The following NAA25 variants were observed in gnomAD, a reference collection of about 807,000 sequenced individuals.
NAA25 encodes the protein N-alpha-acetyltransferase 25, NatB auxiliary subunit.
In NAA25, 30 loss-of-function variants were observed where a neutral mutation model predicts 132.5. The ratio of observed to expected loss-of-function variants is 0.23; its 90% CI spans 0.17 to 0.31. NAA25 has a LOEUF of 0.31. Among genes scored for constraint, NAA25 ranks in the 10% least tolerant of loss-of-function variants. The pLI, the probability that NAA25 is intolerant of heterozygous loss-of-function variation, is 1.00. For synonymous variants in NAA25, 359 were observed against 401.9 expected, an observed-to-expected ratio of 0.89 and a Z score of 1.28; for missense variants, 771 against 1,150.4, an observed-to-expected ratio of 0.67 and a Z score of 4.77.
At chr12:112,097,560 T>C (rs999679387) in intron 1 of NAA25, 1 of 149,118 alleles carries the variant, frequency 6.7e-6, no homozygotes, top group Non-Finnish European at 1.5e-5. Context: ...TAAGCCAAGA[T>C]TGCGCCACTG....
At chr12:112,031,255 T>G (rs1750981031) in intron 23 of NAA25, among the ~76,000 whole-genome samples, 1 of 152,166 alleles carries the variant, frequency 6.6e-6, no homozygotes, top group Non-Finnish European at 1.5e-5. Flanking sequence ...TTCACAGTGT[T>G]TCAAATTTAG....
intron 13 of NAA25, among the ~76,000 whole-genome samples, chr12:112,059,620 G>A (rs990668124): frequency 3.3e-5 from 5 of 151,974 alleles, no homozygotes; most frequent in Admixed American, 3.3e-4. Flanking sequence ...TTTTTGAAGT[G>A]AATAAAAGAT....
intron 4 of NAA25, among the ~76,000 whole-genome samples, chr12:112,083,506 G>A (rs564826233): frequency 5.6e-4 from 84 of 151,186 alleles, no homozygotes; most frequent in African/African-American, 1.9e-3. Context: ...CAGCCTGGGC[G>A]ACAAGAGTGA....
At position 112,099,202 on chromosome 12, in the gene NAA25, A is replaced by G. The variant is rs184675591; in HGVS notation, c.59-6066T>C. ...ACGGGGTTTCACCATGTTGGCCAGG[A>G]TGGTCTCAATCTCTTGACCTCGTGA... is the stretch of plus-strand genomic sequence containing the variant. On this transcript the variant is annotated intron_variant, in intron 1 of 23. Transcript: ENST00000261745. Among the ~76,000 whole-genome samples, 314 of 151,544 alleles carry G rather than the reference A, an allele frequency of 2.1e-3. 1 individual carries two copies. Among genetic ancestry groups the G allele is most frequent in the Middle Eastern group, 0.01 (3 of 292 alleles).
intron 22 of NAA25, among the ~76,000 whole-genome samples, chr12:112,035,774 C>T (rs1237333790): frequency 6.6e-6 from 1 of 151,424 alleles, no homozygotes; most frequent in African/African-American, 2.4e-5. Context: ...ATTTCCCAGG[C>T]TCTGGTGATC....
intron 23 of NAA25, among the ~76,000 whole-genome samples, chr12:112,030,858 T>TTTA (rs1206926555): frequency 6.6e-6 from 1 of 152,234 alleles, no homozygotes; most frequent in African/African-American, 2.4e-5. Flanking sequence ...CAGTGGTGCA[T>TTTA]TTATATTCTG....
At chr12:112,039,426 T>G in intron 21 of NAA25, 87 bp from the exon 22 acceptor site, 1 of 772,852 alleles carries the variant, frequency 1.3e-6, no homozygotes, top group Non-Finnish European at 2.2e-6. Context: ...CAACAAATTC[T>G]AACGCAGTTC....
chr12:112,054,327 G>T, intron 14 of NAA25, 61 bp downstream of exon 14: 1 of 1,412,832 alleles, frequency 7.1e-7, no homozygotes, highest in Non-Finnish European at 9.7e-7. Flanking sequence ...CTAAGTTAGA[G>T]TCCTGTGTAC....
At chr12:112,107,813 G>T (rs1006649407) in intron 1 of NAA25, among the ~76,000 whole-genome samples, 9 of 152,062 alleles carry the variant, frequency 5.9e-5, no homozygotes, top group African/African-American at 2.2e-4. Flanking sequence ...GAAAGGAAAT[G>T]CAAAAAGGAC....
At position 112,075,674 on chromosome 12, in the gene NAA25, T is replaced by G. The variant is rs535797266; in HGVS notation, c.776+4A>C. ...AAATGGTACAAAAGAAAGCTTTTAC[T>G]CACTTTTTTAGTAAGAGGCGCCGGG... On this transcript the variant is annotated splice_donor_region_variant and intron_variant, in intron 8 of 23. Transcript: ENST00000261745. The G allele has an allele frequency of 8.7e-6, 14 of 1,611,730 alleles. No individual in the cohort carries two copies. Among genetic ancestry groups the G allele is most frequent in the Non-Finnish European group, 1.2e-5 (14 of 1,178,046 alleles).
At chr12:112,069,131 C>A in intron 10 of NAA25, 139 bp from the exon 11 acceptor site, 1 of 607,206 alleles carries the variant, frequency 1.6e-6, no homozygotes, top group Non-Finnish European at 2.9e-6. Flanking sequence ...CGGGTTATCT[C>A]AACTACTTGT....
At chr12:112,061,065 C>T in intron 12 of NAA25, 116 bp downstream of exon 12, 1 of 766,766 alleles carries the variant, frequency 1.3e-6, no homozygotes, top group Non-Finnish European at 2.1e-6. Flanking sequence ...TCTTCCCAGA[C>T]AAAATAGTCT....
chr12:112,081,025 C>T (rs1341702965), intron 5 of NAA25, 35 bp downstream of exon 5: 1 of 1,550,744 alleles, frequency 6.4e-7, no homozygotes, highest in South Asian at 1.1e-5. Flanking sequence ...AAAAATAAAA[C>T]CAAACCTCAA....
intron 11 of NAA25, among the ~76,000 whole-genome samples, chr12:112,066,268 A>C (rs941403724): frequency 6.6e-6 from 1 of 152,242 alleles, no homozygotes; most frequent in Non-Finnish European, 1.5e-5. Context: ...TTCAACTAGC[A>C]AGACAATAAG....
Position 112,043,686 on chromosome 12 carries a change from A to G in NAA25, c.2189T>C (p.Leu730Pro), listed in dbSNP as rs1275642225. 2 of 1,614,176 alleles carry G rather than the reference A, an allele frequency of 1.2e-6. No homozygotes were observed. Among genetic ancestry groups the G allele is most frequent in the African/African-American group, 1.3e-5 (1 of 75,048 alleles). Residue 730 changes from leucine (L) to proline (P), a missense_variant, in exon 18 of 24, where the codon CTC becomes CCC. Physicochemically the swap from Leu to Pro is moderately conservative, Grantham distance 98 (BLOSUM62 -3). Around this residue, in one of 3 missense-constraint regions of NAA25, gnomAD observed 324 missense variants for 400.0 expected, o/e 0.81. Coordinates refer to ENST00000261745, the MANE Select transcript of NAA25 (RefSeq NM_024953.4). Reference protein sequence around the residue: ...VSSRIDILRLLLQQLEATLET... With the variant: ...VSSRIDILRLPLQQLEATLET... ...CAGGGTTGCCTCCAGCTGTTGAAGGAGCAAACGAAGAATATCAATCCGGGA... is the reference window on the plus strand; with the variant it reads ...CAGGGTTGCCTCCAGCTGTTGAAGGGGCAAACGAAGAATATCAATCCGGGA...
intron 4 of NAA25, among the ~76,000 whole-genome samples, chr12:112,086,485 A>G (rs2079058948): frequency 6.6e-6 from 1 of 151,830 alleles, no homozygotes; most frequent in African/African-American, 2.4e-5. Context: ...ACAGAGCAAG[A>G]CTCCATCACA....
chr12:112,061,351 G>A lies in NAA25; in HGVS notation c.1187C>T (p.Thr396Ile). The change falls in exon 12 of 24, where the codon ACA becomes ATA. Residue 396 changes from threonine (T) to isoleucine (I), a missense_variant. Around this residue, in one of 3 missense-constraint regions of NAA25, gnomAD observed 417 missense variants for 733.8 expected, o/e 0.57. Coordinates refer to ENST00000261745, the MANE Select transcript of NAA25 (RefSeq NM_024953.4). ...NQLLGVVPLS[T>I]PTEDKLALPA... ...CAGTGCCAGCTTATCCTCTGTTGGT[G>A]TCGACAAAGGAACAACTCCAAGTAA... is the stretch of plus-strand genomic sequence containing the variant. The A allele has an allele frequency of 6.2e-7, 1 of 1,614,080 alleles. No individual in the cohort carries two copies. The highest frequency in any genetic ancestry group is 8.5e-7 in the Non-Finnish European group (1 of 1,179,980).
intron 9 of NAA25, 34 bp downstream of exon 9, chr12:112,074,641 G>C: frequency 7.5e-7 from 1 of 1,329,684 alleles, no homozygotes; most frequent in Non-Finnish European, 1.1e-6. Flanking sequence ...ATATTAAAAA[G>C]TGCTGTTATA....
chr12:112,071,145 A>G (rs1342457570), intron 10 of NAA25, among the ~76,000 whole-genome samples: 1 of 151,926 alleles, frequency 6.6e-6, no homozygotes. Context: ...CGGCCTCCCA[A>G]AGTGCTGGGA....
Sources: gnomAD v4.1 joint callset for allele counts (sites outside exome capture counted in the v4.1 genomes callset) on GRCh38, gnomAD v4.1.1 for gene constraint, gnomAD v4.1.1 regional missense constraint, MANE v1.5 for transcripts, NCBI Gene and HGNC (gene_info 2026-07-23, HGNC 2026-07-21) for gene names.